The following IFT74 variants were observed in gnomAD, a reference collection of about 807,000 sequenced individuals.
IFT74 encodes the protein intraflagellar transport 74, also known as intraflagellar transport protein 74 homolog.
In IFT74, 92 loss-of-function variants were observed where a neutral mutation model predicts 96.7. The observed-to-expected ratio is 0.95, with a 90% CI of 0.80 to 1.13. IFT74 has a LOEUF of 1.13. Ranked by LOEUF, IFT74 falls within the 50% of genes most tolerant of loss-of-function variation. IFT74 has a pLI of 0.00. For synonymous variants in IFT74, 223 were observed against 213.2 expected, an observed-to-expected ratio of 1.05 and a Z score of -0.40; for missense variants, 811 against 698.2, an observed-to-expected ratio of 1.16 and a Z score of -1.82.
At position 26,980,635 on chromosome 9, in the gene IFT74, CT is replaced by C. The variant is rs749287329; in HGVS notation, c.305+20del. The C allele has an allele frequency of 7.8e-6, 12 of 1,537,382 alleles. No homozygotes were observed. In the East Asian group the frequency reaches 2.7e-4, roughly 35 times the overall value. On this transcript the variant is annotated intron_variant, in intron 4 of 19. Coordinates refer to ENST00000380062, the MANE Select transcript of IFT74 (RefSeq NM_025103.4). ...GGCTTCTTAGGTATGTTAAACATAT[CT>C]TTTCATCCGTATGTTTTACTCGAAA...
intron 2 of IFT74, among the ~76,000 whole-genome samples, chr9:26,971,709 A>G (rs1354359397): frequency 1.3e-5 from 2 of 152,114 alleles, no homozygotes; most frequent in African/African-American, 2.4e-5. Flanking sequence ...TACAATAGCT[A>G]TCTCTTCTGG....
At chr9:27,023,605 G>A (rs1829716950) in intron 12 of IFT74, among the ~76,000 whole-genome samples, 1 of 152,054 alleles carries the variant, frequency 6.6e-6, no homozygotes, top group African/African-American at 2.4e-5. Flanking sequence ...AGGGATGTTG[G>A]TCCATAGTTT....
chr9:26,973,186 G>T lies in IFT74; in HGVS notation c.121-4942G>T, dbSNP rs144576978. Among the ~76,000 whole-genome samples, 3 of 152,306 alleles carry T rather than the reference G, an allele frequency of 2.0e-5. No homozygotes were observed. In the East Asian group the frequency reaches 5.8e-4, roughly 29 times the overall value. Reference sequence around the variant, plus strand: ...TACTGTGAACCACTGATGATCATAAGGAATTTGGCTGAGAATGGTGTAACG... The same window carrying T: ...TACTGTGAACCACTGATGATCATAATGAATTTGGCTGAGAATGGTGTAACG... On this transcript the variant is annotated intron_variant, in intron 2 of 19. Transcript: ENST00000380062.
intron 13 of IFT74, chr9:27,036,756 T>A: frequency 8.4e-7 from 1 of 1,188,000 alleles, no homozygotes. Context: ...GAGCGTAAAG[T>A]GCTGTCTCTC....
intron 1 of IFT74, chr9:26,947,591 G>A (rs1825785812): frequency 6.5e-6 from 1 of 152,828 alleles, no homozygotes; most frequent in African/African-American, 2.4e-5. Flanking sequence ...GAATGGCTGA[G>A]TGAGGTTGTT....
At chr9:27,023,995 C>A (rs1361537752) in intron 12 of IFT74, among the ~76,000 whole-genome samples, 4 of 152,164 alleles carry the variant, frequency 2.6e-5, no homozygotes, top group African/African-American at 7.2e-5. Context: ...AAGCTTGTAT[C>A]CCCCCATACT....
At chr9:26,994,917 G>C (rs1033878871) in intron 8 of IFT74, 3 of 152,354 alleles carry the variant, frequency 2.0e-5, no homozygotes, top group Admixed American at 6.5e-5. Context: ...TTTATAACCA[G>C]AATCAATAGT....
At chr9:26,996,007 T>G (rs544265864) in intron 8 of IFT74, among the ~76,000 whole-genome samples, 1 of 152,316 alleles carries the variant, frequency 6.6e-6, no homozygotes, top group African/African-American at 2.4e-5. Flanking sequence ...TTCTCTTTGT[T>G]CAAAATAGCT....
At chr9:26,999,545 A>G in intron 8 of IFT74, 2 of 1,210,360 alleles carry the variant, frequency 1.7e-6, no homozygotes, top group South Asian at 1.4e-5. Flanking sequence ...TTGCCCTTTT[A>G]TATTTTACTA....
chr9:26,964,426 A>G (rs1343627811), intron 2 of IFT74, among the ~76,000 whole-genome samples: 19 of 150,602 alleles, frequency 1.3e-4, no homozygotes, highest in African/African-American at 4.5e-4. Context: ...CTTTTGGCTT[A>G]GTATTGACTT....
chr9:27,041,145 A>G (rs1303010262), intron 13 of IFT74, among the ~76,000 whole-genome samples: 2 of 152,152 alleles, frequency 1.3e-5, no homozygotes, highest in Non-Finnish European at 2.9e-5. Flanking sequence ...TATAGTATAC[A>G]TTTTTGTATA....
intron 13 of IFT74, among the ~76,000 whole-genome samples, chr9:27,039,859 C>A (rs1722404329): frequency 6.6e-6 from 1 of 152,086 alleles, no homozygotes; most frequent in South Asian, 2.1e-4. Context: ...CAAGGAATGA[C>A]TATTTTATAT....
At chr9:27,005,622 G>T (rs1356101613) in intron 8 of IFT74, 1 of 150,984 alleles carries the variant, frequency 6.6e-6, no homozygotes, top group Non-Finnish European at 1.5e-5. Flanking sequence ...AGACTTGTGT[G>T]CTAAAGGAAA....
chr9:26,970,258 A>G (rs749516649), intron 2 of IFT74, among the ~76,000 whole-genome samples: 5 of 152,194 alleles, frequency 3.3e-5, no homozygotes, highest in Non-Finnish European at 7.4e-5. Context: ...GTAGTAAAAC[A>G]TACAAACAAT....
intron 12 of IFT74, 136 bp from the exon 13 acceptor site, chr9:27,028,889 T>C (rs1479569015): frequency 1.4e-5 from 10 of 733,188 alleles, no homozygotes; most frequent in Non-Finnish European, 2.1e-5. Context: ...TCAGTTATAG[T>C]ATTGTCCTTA....
chr9:26,978,394 C>T, intron 3 of IFT74, 131 bp downstream of exon 3: 1 of 825,844 alleles, frequency 1.2e-6, no homozygotes, highest in Non-Finnish European at 1.8e-6. Context: ...TTTTTTAAAT[C>T]AGGATTATAG....
At chr9:26,970,135 A>C (rs189292569) in intron 2 of IFT74, among the ~76,000 whole-genome samples, 3 of 152,056 alleles carry the variant, frequency 2.0e-5, no homozygotes, top group Admixed American at 1.3e-4. Context: ...TTTCCTTCGC[A>C]TTGACTTCAG....
chr9:26,986,763 C>T (rs903308940), intron 6 of IFT74, among the ~76,000 whole-genome samples: 7 of 152,132 alleles, frequency 4.6e-5, no homozygotes, highest in Non-Finnish European at 7.4e-5. Context: ...GCTGGGACTA[C>T]AGGTGCATGC....
At chr9:27,048,772 A>C (rs1819801661) in intron 16 of IFT74, among the ~76,000 whole-genome samples, 1 of 152,194 alleles carries the variant, frequency 6.6e-6, no homozygotes, top group Non-Finnish European at 1.5e-5. Flanking sequence ...TTATACACAG[A>C]CTAGCAGACA....
Sources: gnomAD v4.1 joint callset for allele counts (sites outside exome capture counted in the v4.1 genomes callset) on GRCh38, gnomAD v4.1.1 for gene constraint, MANE v1.5 for transcripts, NCBI Gene and HGNC (gene_info 2026-07-23, HGNC 2026-07-21) for gene names.